PTPRD: variants seen among roughly 807,000 people sequenced by gnomAD.
The protein encoded by PTPRD is receptor-type tyrosine-protein phosphatase delta.
A neutral mutation model predicts 214.5 loss-of-function variants in PTPRD; 34 were observed. The observed-to-expected ratio is 0.16, with a 90% CI of 0.12 to 0.21. The LOEUF is 0.21. Among genes scored for constraint, PTPRD ranks in the 10% least tolerant of loss-of-function variants. The probability of loss-of-function intolerance (pLI) is 1.00; values close to 1 mark genes in which losing one functional copy is unlikely to be tolerated. For missense variants in PTPRD, 2,545 were observed against 2,398.7 expected, an observed-to-expected ratio of 1.06 and a Z score of -1.27; for synonymous variants, 1,128 against 845.7, an observed-to-expected ratio of 1.33 and a Z score of -5.79.
intron 14 of PTPRD, among the ~76,000 whole-genome samples, chr9:8,581,437 A>C (rs887419728): frequency 1.3e-5 from 2 of 152,164 alleles, no homozygotes; most frequent in African/African-American, 2.4e-5. Context: ...GGGACACATA[A>C]ACATCATAAA....
intron 9 of PTPRD, among the ~76,000 whole-genome samples, chr9:9,240,403 T>C (rs1009307003): frequency 3.3e-5 from 5 of 152,166 alleles, no homozygotes; most frequent in African/African-American, 1.2e-4. Context: ...CTGGATGCAA[T>C]GGCTCATGCC....
In PTPRD at chr9:10,189,579, C is replaced by T. The variant is rs913756821; in HGVS notation, c.-545+151384G>A. ...TCACTTTTAAAAGGAAGTGTGCATG[C>T]GAGGAATTTGTAGCATGTTTTGCAA... is the stretch of plus-strand genomic sequence containing the variant. On this transcript the variant is annotated intron_variant, in intron 3 of 45. Coordinates refer to ENST00000381196, the MANE Select transcript of PTPRD (RefSeq NM_002839.4). Among the ~76,000 whole-genome samples, 15 of 152,106 alleles carry T rather than the reference C, an allele frequency of 9.9e-5. 1 individual carries two copies. Among genetic ancestry groups the T allele is most frequent in the African/African-American group, 2.9e-4 (12 of 41,518 alleles).
In PTPRD at chr9:8,807,675, C is replaced by A. The variant is rs571820879; in HGVS notation, c.-103-73729G>T. Among the ~76,000 whole-genome samples the A allele has an allele frequency of 5.9e-5, 9 of 151,582 alleles. No homozygotes were observed. The South Asian group carries it at 1.2e-3, about 21-fold the overall frequency. ...GCTCACCTCATATCTTAATCATCAC[C>A]CTTTTAGATATAAGTTTATGAAATA... On this transcript the variant is annotated intron_variant, in intron 11 of 45. Coordinates refer to ENST00000381196, the MANE Select transcript of PTPRD (RefSeq NM_002839.4).
At chr9:9,537,172 G>A (rs1293447515) in intron 8 of PTPRD, among the ~76,000 whole-genome samples, 1 of 151,890 alleles carries the variant, frequency 6.6e-6, no homozygotes, top group African/African-American at 2.4e-5. Flanking sequence ...AGAAGGTGGA[G>A]GGTTCTTACC....
Position 10,277,955 on chromosome 9 carries a change from G to A in PTPRD, c.-545+63008C>T, listed in dbSNP as rs373852185. ...GGGCGGATCATGAGGTCGGGAGATC[G>A]AGACCATCGTGGCTAACGAGGGAGA... On this transcript the variant is annotated intron_variant, in intron 3 of 45. Transcript: ENST00000381196. 1.1e-3 allele frequency among the ~76,000 whole-genome samples: 162 copies of A among 152,148 alleles called. 2 individuals carry two copies. The South Asian group carries it at 0.032, about 30-fold the overall frequency.
At chr9:9,877,397 C>T (rs1455752189) in intron 5 of PTPRD, among the ~76,000 whole-genome samples, 2 of 151,534 alleles carry the variant, frequency 1.3e-5, no homozygotes, top group Non-Finnish European at 2.9e-5. Flanking sequence ...TTTTCCTCCA[C>T]TCTTTAGTCC....
chr9:9,661,620 AAAAC>A (rs1361348906), intron 7 of PTPRD, among the ~76,000 whole-genome samples: 1 of 151,862 alleles, frequency 6.6e-6, no homozygotes, highest in Admixed American at 6.6e-5. Context: ...AAGCTTCATA[AAAAC>A]AAACAAACAA....
chr9:9,960,590 G>A (rs2094293905), intron 4 of PTPRD, among the ~76,000 whole-genome samples: 1 of 152,006 alleles, frequency 6.6e-6, no homozygotes, highest in Non-Finnish European at 1.5e-5. Context: ...AGATGAAAAT[G>A]GTACTTGACC....
chr9:10,074,121 G>C (rs1390809196), intron 3 of PTPRD, among the ~76,000 whole-genome samples: 2 of 152,084 alleles, frequency 1.3e-5, no homozygotes, highest in Non-Finnish European at 2.9e-5. Context: ...CACAATTTCA[G>C]TTATTCAAAT....
chr9:9,827,422 A>C (rs1467936330), intron 5 of PTPRD, among the ~76,000 whole-genome samples: 4 of 152,194 alleles, frequency 2.6e-5, no homozygotes, highest in African/African-American at 7.2e-5. Flanking sequence ...TTCCCTATTT[A>C]ATAAATGGTG....
chr9:9,783,725 A>G (rs2098887027), intron 5 of PTPRD, among the ~76,000 whole-genome samples: 1 of 151,776 alleles, frequency 6.6e-6, no homozygotes, highest in Admixed American at 6.6e-5. Context: ...TTATTTTAAT[A>G]TATCTTGCCA....
At chr9:8,780,346 T>A (rs1270621210) in intron 11 of PTPRD, among the ~76,000 whole-genome samples, 1 of 147,878 alleles carries the variant, frequency 6.8e-6, no homozygotes, top group Non-Finnish European at 1.5e-5. Context: ...AAAATATTCC[T>A]TAAATACCAA....
intron 3 of PTPRD, among the ~76,000 whole-genome samples, chr9:10,206,742 A>G (rs912192888): frequency 9.2e-5 from 14 of 152,168 alleles, no homozygotes; most frequent in Admixed American, 6.5e-5. Context: ...AGTTTGGTAT[A>G]TATAGGTCCT....
intron 8 of PTPRD, among the ~76,000 whole-genome samples, chr9:9,455,305 A>G (rs1379242600): frequency 6.6e-6 from 1 of 151,622 alleles, no homozygotes; most frequent in Non-Finnish European, 1.5e-5. Context: ...TTTTAAAAAT[A>G]TTAATGTACA....
chr9:10,518,789 C>T (rs946585870), intron 2 of PTPRD, among the ~76,000 whole-genome samples: 3 of 151,916 alleles, frequency 2.0e-5, no homozygotes, highest in African/African-American at 7.2e-5. Flanking sequence ...GCCTTGGCCT[C>T]CCAAAGTGCT....
rs2096981248 is a variant in PTPRD, at chr9:8,485,499, C to G, written c.3056-175G>C. On this transcript the variant is annotated intron_variant, in intron 28 of 45. Transcript: ENST00000381196. Reference sequence around the variant, plus strand: ...TTTAATACCCCATTCTCACAGAGATCTTTCCTTTCTCTCCAATTCAGCCAA... The same window carrying G: ...TTTAATACCCCATTCTCACAGAGATGTTTCCTTTCTCTCCAATTCAGCCAA... The G allele has an allele frequency of 4.8e-6, 3 of 622,436 alleles. No homozygotes were observed. In the South Asian group the frequency reaches 6.2e-5, roughly 13 times the overall value. 38.6% of individuals were successfully genotyped at this position (622,436 alleles called of 1,614,324 possible). A position where few individuals can be genotyped will look rare whatever the true frequency, so the allele number is the denominator to read the frequency against.
At chr9:9,677,246 G>A (rs1373249734) in intron 7 of PTPRD, among the ~76,000 whole-genome samples, 7 of 151,966 alleles carry the variant, frequency 4.6e-5, no homozygotes, top group African/African-American at 1.7e-4. Flanking sequence ...GTCTTCCAGG[G>A]TTTTTATGGT....
At chr9:9,981,523 T>A (rs1193411726) in intron 4 of PTPRD, among the ~76,000 whole-genome samples, 1 of 4,552 alleles carries the variant, frequency 2.2e-4, no homozygotes, top group Non-Finnish European at 1.1e-3. Context: ...CCTGGCTAAT[T>A]TTTTTTTGTA....
Position 10,523,793 on chromosome 9 carries a change from T to A in PTPRD, c.-600+88605A>T, listed in dbSNP as rs997200286. On this transcript the variant is annotated intron_variant, in intron 2 of 45. Transcript: ENST00000381196. ...TGTGTCCATTGATAGAAGTAAAAAG[T>A]CAAACATAATGCTGGTAATTTTGAT... 2.0e-5 allele frequency among the ~76,000 whole-genome samples: 3 copies of A among 151,498 alleles called. No homozygotes were observed. The East Asian group carries it at 5.8e-4, about 29-fold the overall frequency.
Sources: gnomAD v4.1 joint callset for allele counts (sites outside exome capture counted in the v4.1 genomes callset) on GRCh38, gnomAD v4.1.1 for gene constraint, MANE v1.5 for transcripts, NCBI Gene and HGNC (gene_info 2026-07-23, HGNC 2026-07-21) for gene names.